Variants in EIF5B observed in about 807,000 individuals in gnomAD.
EIF5B encodes the protein eIF-5B.
A neutral mutation model predicts 147.5 loss-of-function variants in EIF5B; 47 were observed. The observed-to-expected ratio is 0.32, with a 90% CI of 0.25 to 0.41. The LOEUF (loss-of-function observed/expected upper bound fraction) is 0.41, where lower values mean the gene tolerates loss of function less well. EIF5B is among the 10% of genes least tolerant of loss of function. EIF5B has a pLI of 1.00. For missense variants in EIF5B, 1,064 were observed against 1,413.2 expected, an observed-to-expected ratio of 0.75 and a Z score of 3.96; for synonymous variants, 455 against 456.2, an observed-to-expected ratio of 1.00 and a Z score of 0.03.
chr2:99,383,826 A>G (rs1674740547), intron 14 of EIF5B, among the ~76,000 whole-genome samples: 1 of 151,570 alleles, frequency 6.6e-6, no homozygotes, highest in Non-Finnish European at 1.5e-5. Flanking sequence ...CTAGAGAGAA[A>G]TCACTGCCTG....
chr2:99,390,513 A>G, intron 16 of EIF5B, 31 bp from the exon 17 acceptor site: 1 of 1,598,912 alleles, frequency 6.3e-7, no homozygotes, highest in Non-Finnish European at 8.5e-7. Context: ...CATTGTATGT[A>G]TGTCTTTCTC....
In EIF5B at chr2:99,376,622, A is replaced by C. The variant is rs1381064322; in HGVS notation, c.1828A>C (p.Lys610Gln). ...TKEERAYDKA[K>Q]RRIEKRRLEH... Reference sequence around the variant, plus strand: ...AGAAGAAAGGGCTTATGACAAAGCAAAACGGAGGATTGAGGTATTTATTTT... The same window carrying C: ...AGAAGAAAGGGCTTATGACAAAGCACAACGGAGGATTGAGGTATTTATTTT... The change falls in exon 10 of 24, where the codon AAA becomes CAA. Residue 610 changes from lysine to glutamine, a missense_variant. Transcript: ENST00000289371. 1 of 1,602,068 alleles carries C rather than the reference A, an allele frequency of 6.2e-7. No homozygotes were observed. Among genetic ancestry groups the C allele is most frequent in the South Asian group, 1.1e-5 (1 of 88,482 alleles).
Position 99,382,258 on chromosome 2 carries a change from C to T in EIF5B, c.2129+32C>T, listed in dbSNP as rs201471771. ...GCAATTTGAGTCTTTTCTCATCAAG[C>T]AATCTACTTGAAACCATTAAGTCTA... is the stretch of plus-strand genomic sequence containing the variant. On this transcript the variant is annotated intron_variant, in intron 13 of 23. Transcript: ENST00000289371. 2.1e-3 allele frequency: 3,303 copies of T among 1,579,062 alleles called. 6 individuals carry two copies. Among genetic ancestry groups the T allele is most frequent in the Non-Finnish European group, 2.4e-3 (2,762 of 1,149,396 alleles).
At chr2:99,379,278 C>T in intron 11 of EIF5B, 40 bp from the exon 12 acceptor site, 1 of 1,542,962 alleles carries the variant, frequency 6.5e-7, no homozygotes, top group Non-Finnish European at 8.8e-7. Context: ...CTATCTTTTC[C>T]ATGTTCAAAT....
chr2:99,343,203 G>A (rs181429103), intron 1 of EIF5B, among the ~76,000 whole-genome samples: 14 of 151,312 alleles, frequency 9.3e-5, no homozygotes, highest in Non-Finnish European at 1.8e-4. Context: ...TGATCCATCC[G>A]TCTTGGCTTC....
intron 16 of EIF5B, 25 bp from the exon 17 acceptor site, chr2:99,390,519 T>C (rs766818983): frequency 6.2e-7 from 1 of 1,600,106 alleles, no homozygotes; most frequent in South Asian, 1.1e-5. Context: ...ATGTATGTCT[T>C]TCTCTTTGCA....
intron 1 of EIF5B, among the ~76,000 whole-genome samples, chr2:99,350,804 C>G (rs1446348194): frequency 6.6e-6 from 1 of 152,096 alleles, no homozygotes; most frequent in African/African-American, 2.4e-5. Context: ...TATGAAGTGT[C>G]TCTCCTGTTT....
chr2:99,363,620 G>T (rs966720686), intron 4 of EIF5B, 25 bp from the exon 5 acceptor site: 5 of 1,565,948 alleles, frequency 3.2e-6, no homozygotes, highest in Non-Finnish European at 4.3e-6. Flanking sequence ...TCATTTCAAT[G>T]CTTTGCCTTT....
intron 9 of EIF5B, 61 bp from the exon 10 acceptor site, chr2:99,376,286 A>C (rs1050113661): frequency 1.5e-5 from 17 of 1,136,222 alleles, no homozygotes; most frequent in Non-Finnish European, 2.1e-5. Context: ...AAAGTCTCTT[A>C]TCTTGATATA....
chr2:99,396,690 C>T, intron 21 of EIF5B, 70 bp from the exon 22 acceptor site: 1 of 1,511,966 alleles, frequency 6.6e-7, no homozygotes, highest in South Asian at 1.3e-5. Context: ...GCCTGATGTT[C>T]AGCTGCAGTT....
intron 9 of EIF5B, among the ~76,000 whole-genome samples, 160 bp downstream of exon 9, chr2:99,371,890 C>T (rs1016915928): frequency 2.6e-5 from 4 of 152,196 alleles, no homozygotes; most frequent in African/African-American, 7.2e-5. Flanking sequence ...TCTAAGTCCT[C>T]AAGTGGATCT....
chr2:99,350,784 T>TA (rs767188168), intron 1 of EIF5B, among the ~76,000 whole-genome samples: 1 of 152,230 alleles, frequency 6.6e-6, no homozygotes, highest in Admixed American at 6.5e-5. Context: ...TTTGAGGTCT[T>TA]AAACAACGTT....
intron 14 of EIF5B, among the ~76,000 whole-genome samples, chr2:99,388,216 G>C (rs1391001896): frequency 2.0e-5 from 3 of 152,058 alleles, no homozygotes; most frequent in African/African-American, 7.2e-5. Context: ...TAAGTATGTT[G>C]TTATGTTATC....
chr2:99,339,937 G>A (rs183181603), intron 1 of EIF5B, among the ~76,000 whole-genome samples: 1 of 151,862 alleles, frequency 6.6e-6, no homozygotes, highest in Non-Finnish European at 1.5e-5. Flanking sequence ...TTGTTGTTTT[G>A]GTTTGTTTGT....
At chr2:99,371,473 GCAA>G (rs1674449706) in intron 8 of EIF5B, among the ~76,000 whole-genome samples, 180 bp from the exon 9 acceptor site, 5 of 138,566 alleles carry the variant, frequency 3.6e-5, no homozygotes, top group African/African-American at 1.4e-4. Flanking sequence ...GGGCGACAGA[GCAA>G]AGACTCCGTC....
In EIF5B at chr2:99,337,479, C is replaced by T. The variant is rs2094245614; in HGVS notation, c.-76C>T. ...GAGGGGAAAAGAGCTGAGCGGAGAC[C>T]AAAGTCAGCCGGGAGACAGTGGGTC... On this transcript the variant is annotated 5_prime_UTR_variant, in exon 1 of 24. Coordinates refer to ENST00000289371, the MANE Select transcript of EIF5B (RefSeq NM_015904.4). The T allele has an allele frequency of 3.8e-6, 6 of 1,569,132 alleles. No individual in the cohort carries two copies. The highest frequency in any genetic ancestry group is 2.4e-5 in the East Asian group (1 of 42,148).
intron 21 of EIF5B, among the ~76,000 whole-genome samples, chr2:99,395,196 C>CTT (rs1370782846): frequency 2.0e-5 from 3 of 152,200 alleles, no homozygotes; most frequent in African/African-American, 7.2e-5. Context: ...AGTAACAAAA[C>CTT]TTGAGTGAGG....
chr2:99,345,562 C>T (rs552910674), intron 1 of EIF5B, among the ~76,000 whole-genome samples: 1 of 147,454 alleles, frequency 6.8e-6, no homozygotes, highest in South Asian at 2.2e-4. Context: ...CCACTGCGCT[C>T]CAGCCTGGGC....
intron 22 of EIF5B, 69 bp downstream of exon 22, chr2:99,396,967 A>C (rs1675064897): frequency 6.6e-7 from 1 of 1,523,624 alleles, no homozygotes; most frequent in African/African-American, 1.4e-5. Flanking sequence ...GAGTCGTACC[A>C]ACACAGCTTT....
Sources: allele counts gnomAD v4.1 joint callset (sites outside exome capture counted in the v4.1 genomes callset), GRCh38; gene constraint gnomAD v4.1.1; transcripts MANE v1.5; gene names NCBI Gene and HGNC (gene_info 2026-07-23, HGNC 2026-07-21).